Variants in VPS13D observed in about 807,000 individuals in gnomAD.
VPS13D encodes intermembrane lipid transfer protein VPS13D.
A neutral mutation model predicts 461.9 loss-of-function variants in VPS13D; 187 were observed. The observed-to-expected ratio is 0.40, with a 90% CI of 0.36 to 0.46. The LOEUF is 0.46. Among genes scored for constraint, VPS13D ranks in the 20% least tolerant of loss-of-function variants. The probability of loss-of-function intolerance (pLI) is 0.60; values close to 1 mark genes in which losing one functional copy is unlikely to be tolerated. For synonymous variants in VPS13D, 1,951 were observed against 1,986.3 expected, an observed-to-expected ratio of 0.98 and a Z score of 0.47; for missense variants, 4,711 against 5,364.9, an observed-to-expected ratio of 0.88 and a Z score of 3.81.
intron 52 of VPS13D, chr1:12,367,835 C>A (rs1306151791): frequency 1.3e-5 from 2 of 152,228 alleles, no homozygotes; most frequent in Non-Finnish European, 2.9e-5. Context: ...TCTCGATCTC[C>A]TGACCACGTG....
At chr1:12,282,666 A>C in intron 20 of VPS13D, 39 bp from the exon 21 acceptor site, 1 of 1,548,974 alleles carries the variant, frequency 6.5e-7, no homozygotes, top group Non-Finnish European at 8.8e-7. Flanking sequence ...ACGTGCATTT[A>C]ATAATAAGAG....
chr1:12,374,228 T>G (rs1212477807), intron 55 of VPS13D, among the ~76,000 whole-genome samples: 1 of 152,236 alleles, frequency 6.6e-6, no homozygotes, highest in Non-Finnish European at 1.5e-5. Flanking sequence ...TTATTTCACT[T>G]GATAAGGATG....
chr1:12,301,076 G>A lies in VPS13D; in HGVS notation c.6216+1692G>A, dbSNP rs539018224. On this transcript the variant is annotated intron_variant, in intron 25 of 69. Transcript: ENST00000620676. ...TAAGATTTAAAAACTGCCGAAAATA[G>A]CAATACATAGCTGCCATTTGCTGAA... 6.6e-5 allele frequency among the ~76,000 whole-genome samples: 10 copies of A among 152,300 alleles called. No homozygotes were observed. The South Asian group carries it at 1.7e-3, about 25-fold the overall frequency.
At chr1:12,436,306 C>T (rs1007707002) in intron 65 of VPS13D, among the ~76,000 whole-genome samples, 1 of 152,164 alleles carries the variant, frequency 6.6e-6, no homozygotes, top group Non-Finnish European at 1.5e-5. Context: ...ACGCCGGTGC[C>T]CAATCCTGAA....
chr1:12,504,071 A>C (rs1646071510), intron 68 of VPS13D, among the ~76,000 whole-genome samples: 1 of 152,190 alleles, frequency 6.6e-6, no homozygotes, highest in African/African-American at 2.4e-5. Flanking sequence ...CAAGTTTGAT[A>C]TGAGGCTCCA....
At chr1:12,257,220 G>T (rs1640951226) in intron 9 of VPS13D, 133 bp downstream of exon 9, 1 of 709,460 alleles carries the variant, frequency 1.4e-6, no homozygotes, top group Non-Finnish European at 2.4e-6. Context: ...TCTGGTCCTT[G>T]GAATGCCATT....
intron 50 of VPS13D, 24 bp from the exon 51 acceptor site, chr1:12,362,696 A>G (rs371035221): frequency 7.6e-5 from 123 of 1,610,772 alleles, no homozygotes; most frequent in African/African-American, 5.9e-4. Context: ...GTTAACTCAT[A>G]AAAGTGGTTC....
chr1:12,460,910 G>A (rs972863722), intron 67 of VPS13D, among the ~76,000 whole-genome samples: 6 of 152,042 alleles, frequency 3.9e-5, no homozygotes, highest in Non-Finnish European at 8.8e-5. Context: ...GAAAGTATCA[G>A]CCCCAACCCC....
chr1:12,432,215 G>A (rs1645000984), intron 65 of VPS13D, among the ~76,000 whole-genome samples: 1 of 152,016 alleles, frequency 6.6e-6, no homozygotes, highest in Non-Finnish European at 1.5e-5. Flanking sequence ...CTAACTTGGA[G>A]AAACCCCATC....
chr1:12,425,891 G>A (rs959811926), intron 65 of VPS13D, among the ~76,000 whole-genome samples: 5 of 152,264 alleles, frequency 3.3e-5, no homozygotes, highest in Non-Finnish European at 7.4e-5. Context: ...AACTTCTCAG[G>A]TATAATCTTT....
At chr1:12,376,843 A>G (rs17457661) in intron 55 of VPS13D, among the ~76,000 whole-genome samples, 21,774 of 152,020 alleles carry the variant, frequency 0.14, 1,760 homozygotes, top group Non-Finnish European at 0.18. Flanking sequence ...AAAAGGAATG[A>G]TACAGATTGT....
chr1:12,314,357 C>T (rs774633360), intron 30 of VPS13D, 30 bp downstream of exon 30: 4 of 1,592,502 alleles, frequency 2.5e-6, no homozygotes, highest in Admixed American at 3.4e-5. Flanking sequence ...CTCTGCCTTT[C>T]TTTGTGGAGA....
At chr1:12,379,621 G>A (rs1443288002) in intron 57 of VPS13D, 25 bp downstream of exon 57, 1 of 1,567,596 alleles carries the variant, frequency 6.4e-7, no homozygotes, top group Admixed American at 1.7e-5. Context: ...ATCCCCAATT[G>A]CAGCAAGCAG....
chr1:12,480,370 T>C (rs1645698781), intron 67 of VPS13D, among the ~76,000 whole-genome samples: 1 of 152,158 alleles, frequency 6.6e-6, no homozygotes, highest in Admixed American at 6.5e-5. Flanking sequence ...CAGGGAGAGC[T>C]TCTGTTTGGG....
chr1:12,323,838 A>G, intron 35 of VPS13D, 58 bp downstream of exon 35: 1 of 1,556,698 alleles, frequency 6.4e-7, no homozygotes, highest in Non-Finnish European at 8.8e-7. Flanking sequence ...CTTCCTTCCC[A>G]TTTCCTCTCT....
intron 40 of VPS13D, among the ~76,000 whole-genome samples, chr1:12,341,413 A>G (rs577388520): frequency 5.9e-5 from 9 of 152,360 alleles, no homozygotes; most frequent in African/African-American, 2.2e-4. Context: ...TTAAATAAGT[A>G]CATATGATAT....
At chr1:12,459,666 A>T (rs1045625288) in intron 66 of VPS13D, among the ~76,000 whole-genome samples, 1 of 151,816 alleles carries the variant, frequency 6.6e-6, no homozygotes, top group Admixed American at 6.6e-5. Context: ...TTTAGTAAAG[A>T]TGGGGTTTCA....
At chr1:12,325,160 A>G (rs1643147037) in intron 35 of VPS13D, among the ~76,000 whole-genome samples, 1 of 151,892 alleles carries the variant, frequency 6.6e-6, no homozygotes, top group Non-Finnish European at 1.5e-5. Context: ...TGGCGCAATC[A>G]TAGCTCACTG....
At chr1:12,379,461 T>G in intron 56 of VPS13D, 27 bp from the exon 57 acceptor site, 1 of 1,601,430 alleles carries the variant, frequency 6.2e-7, no homozygotes, top group Non-Finnish European at 8.5e-7. Context: ...GGAGGTTTCA[T>G]GGTTCATTGT....
Sources: allele counts gnomAD v4.1 joint callset (sites outside exome capture counted in the v4.1 genomes callset), GRCh38; gene constraint gnomAD v4.1.1; transcripts MANE v1.5; gene names NCBI Gene and HGNC (gene_info 2026-07-23, HGNC 2026-07-21).